Variants in COL25A1 observed in about 807,000 individuals in gnomAD.
COL25A1 encodes collagen alpha-1(XXV) chain.
In COL25A1, 103 loss-of-function variants were observed where a neutral mutation model predicts 128.4. The observed-to-expected ratio is 0.80, with a 90% CI of 0.68 to 0.94. COL25A1 has a LOEUF of 0.94. Among genes scored for constraint, COL25A1 ranks in the 40% least tolerant of loss-of-function variants. The pLI is 0.00. For synonymous variants in COL25A1, 279 were observed against 277.2 expected (o/e 1.01, Z -0.06); for missense variants, 745 against 840.0 (o/e 0.89, Z 1.40).
At chr4:109,194,827 T>C (rs1775897499) in intron 3 of COL25A1, among the ~76,000 whole-genome samples, 1 of 152,168 alleles carries the variant, frequency 6.6e-6, no homozygotes, top group African/African-American at 2.4e-5. Context: ...CTCCTTGACT[T>C]CAGATTGATC....
intron 4 of COL25A1, among the ~76,000 whole-genome samples, chr4:109,048,541 A>G (rs1196126045): frequency 1.3e-5 from 2 of 152,180 alleles, no homozygotes; most frequent in Non-Finnish European, 2.9e-5. Flanking sequence ...TAGAGAATTG[A>G]TATATAATTT....
chr4:109,143,751 C>G (rs1289599828), intron 3 of COL25A1, among the ~76,000 whole-genome samples: 2 of 152,146 alleles, frequency 1.3e-5, no homozygotes, highest in African/African-American at 2.4e-5. Flanking sequence ...TTTTTCAGCT[C>G]TATCAGGTCA....
At chr4:109,213,102 G>GAA (rs574987775) in intron 3 of COL25A1, among the ~76,000 whole-genome samples, 1 of 152,068 alleles carries the variant, frequency 6.6e-6, no homozygotes, top group Non-Finnish European at 1.5e-5. Flanking sequence ...CTTAAAAACA[G>GAA]AAAAAGACTA....
intron 6 of COL25A1, among the ~76,000 whole-genome samples, chr4:109,001,372 CAGGCATCTGAGATCCTGTCAGGT>C (rs143819894): frequency 1.7e-4 from 4 of 24,100 alleles, no homozygotes; most frequent in Non-Finnish European, 2.6e-4. Flanking sequence ...TTAAAAGAAA[CAGGCATCTGAGATCCTGTCAGGT>C]AGGCATCTGA....
intron 3 of COL25A1, among the ~76,000 whole-genome samples, chr4:109,159,602 T>C (rs897308669): frequency 2.0e-5 from 3 of 152,062 alleles, no homozygotes; most frequent in African/African-American, 7.2e-5. Flanking sequence ...CGAAGCATGG[T>C]TCACAATACA....
chr4:108,863,693 A>G (rs1003999929), intron 20 of COL25A1, among the ~76,000 whole-genome samples: 1 of 152,216 alleles, frequency 6.6e-6, no homozygotes, highest in African/African-American at 2.4e-5. Flanking sequence ...CTGTTGACTG[A>G]GTACGGAAGA....
chr4:109,104,909 T>C (rs751399399), intron 3 of COL25A1, among the ~76,000 whole-genome samples: 1 of 152,210 alleles, frequency 6.6e-6, no homozygotes, highest in East Asian at 1.9e-4. Context: ...AATAATGCTA[T>C]TGATTTAATA....
intron 3 of COL25A1, among the ~76,000 whole-genome samples, chr4:109,220,154 AC>A: frequency 6.6e-6 from 1 of 152,308 alleles, no homozygotes; most frequent in African/African-American, 2.4e-5. Context: ...CATCCAAAAA[AC>A]ACACTATGAG....
intron 18 of COL25A1, among the ~76,000 whole-genome samples, chr4:108,886,486 G>GTTTTTTTTT (rs1199944880): frequency 7.5e-5 from 6 of 79,908 alleles, no homozygotes; most frequent in African/African-American, 2.2e-4. Context: ...GTGTGTGTGT[G>GTTTTTTTTT]TGTGTGTTTA....
At chr4:108,872,230 A>G (rs1240476023) in intron 19 of COL25A1, among the ~76,000 whole-genome samples, 2 of 152,178 alleles carry the variant, frequency 1.3e-5, no homozygotes, top group Non-Finnish European at 2.9e-5. Context: ...AGCCTGGCCA[A>G]CATGGTGAAA....
At position 108,890,324 on chromosome 4, in the gene COL25A1, T is replaced by A. The variant is rs369956721; in HGVS notation, c.907-591A>T. On this transcript the variant is annotated intron_variant, in intron 16 of 37. Coordinates refer to ENST00000399132, the MANE Select transcript of COL25A1 (RefSeq NM_198721.4). ...ACGTTTTTTCCAGCTTTACACTTAT[T>A]TCATTGTAACTCAGGCACCAGGAAG... 1.2e-4 allele frequency among the ~76,000 whole-genome samples: 19 copies of A among 152,280 alleles called. No individual in the cohort carries two copies. In the East Asian group the frequency reaches 2.1e-3, roughly 17 times the overall value.
At chr4:108,989,822 T>C (rs1753996856) in intron 6 of COL25A1, among the ~76,000 whole-genome samples, 1 of 152,142 alleles carries the variant, frequency 6.6e-6, no homozygotes, top group Non-Finnish European at 1.5e-5. Flanking sequence ...ATCCAAAAAA[T>C]AAGTATATAT....
At chr4:109,166,786 G>A (rs1773115730) in intron 3 of COL25A1, among the ~76,000 whole-genome samples, 1 of 152,180 alleles carries the variant, frequency 6.6e-6, no homozygotes, top group Non-Finnish European at 1.5e-5. Flanking sequence ...CATTGAGTAT[G>A]AATCTAATAT....
At chr4:108,873,026 T>G (rs370505635) in intron 19 of COL25A1, among the ~76,000 whole-genome samples, 23 of 151,910 alleles carry the variant, frequency 1.5e-4, no homozygotes, top group African/African-American at 5.6e-4. Context: ...CTGAGTAGCT[T>G]GGACTATAGT....
intron 3 of COL25A1, among the ~76,000 whole-genome samples, chr4:109,287,143 C>T (rs948698299): frequency 1.3e-5 from 2 of 152,254 alleles, no homozygotes; most frequent in African/African-American, 4.8e-5. Flanking sequence ...AGTTCAAATA[C>T]CAATTATCAT....
chr4:109,096,803 A>C (rs1377373224), intron 3 of COL25A1, among the ~76,000 whole-genome samples: 1 of 152,224 alleles, frequency 6.6e-6, no homozygotes, highest in East Asian at 1.9e-4. Flanking sequence ...TTCCTGACAA[A>C]TAGCTATTTC....
At chr4:109,221,466 C>A (rs11946089) in intron 3 of COL25A1, among the ~76,000 whole-genome samples, 13,202 of 152,122 alleles carry the variant, frequency 0.087, 1,194 homozygotes, top group African/African-American at 0.23. Flanking sequence ...TGTTTCCAAG[C>A]GTATGCAGAA....
chr4:108,908,427 T>C (rs1743791155), intron 13 of COL25A1, among the ~76,000 whole-genome samples: 1 of 152,188 alleles, frequency 6.6e-6, no homozygotes, highest in South Asian at 2.1e-4. Context: ...AGTCTTTAGC[T>C]CCTACTTGCA....
rs151187805 is a variant in COL25A1, at chr4:109,048,281, A to G, written c.413-106T>C. 8.2e-5 allele frequency: 89 copies of G among 1,083,794 alleles called. No homozygotes were observed. In the African/African-American group the frequency reaches 1.2e-3, roughly 15 times the overall value. 67.1% of individuals were successfully genotyped at this position (1,083,794 alleles called of 1,614,324 possible). A position where few individuals can be genotyped will look rare whatever the true frequency, so the allele number is the denominator to read the frequency against. On this transcript the variant is annotated intron_variant, in intron 4 of 37. Transcript: ENST00000399132. ...TGAGCATAATCATCAGCATGACATA[A>G]TAGACATGGAAGTTTTTTTAAATTC...
Sources: allele counts gnomAD v4.1 joint callset (sites outside exome capture counted in the v4.1 genomes callset), GRCh38; gene constraint gnomAD v4.1.1; transcripts MANE v1.5; gene names NCBI Gene and HGNC (gene_info 2026-07-23, HGNC 2026-07-21).